Variants in VAV1 observed in about 807,000 individuals in gnomAD.
VAV1 encodes the protein vav guanine nucleotide exchange factor 1.
VAV1 carries 33 observed loss-of-function variants against 128.1 expected under a neutral mutation model. The ratio of observed to expected loss-of-function variants is 0.26; its 90% CI spans 0.20 to 0.34. The LOEUF (loss-of-function observed/expected upper bound fraction) is 0.34, where lower values mean the gene tolerates loss of function less well. Among genes scored for constraint, VAV1 ranks in the 10% least tolerant of loss-of-function variants. The pLI, the probability that VAV1 is intolerant of heterozygous loss-of-function variation, is 1.00. For missense variants in VAV1, 715 were observed against 1,093.7 expected (o/e 0.65, Z 4.88); for synonymous variants, 394 against 409.8 (o/e 0.96, Z 0.47).
chr19:6,775,276 G>A (rs1465974352), intron 1 of VAV1, among the ~76,000 whole-genome samples: 1 of 152,222 alleles, frequency 6.6e-6, no homozygotes, highest in Non-Finnish European at 1.5e-5. Flanking sequence ...ACCTGGCAGG[G>A]AGTCAAGCTC....
chr19:6,792,265 G>A (rs1361012132), intron 1 of VAV1, among the ~76,000 whole-genome samples: 6 of 152,164 alleles, frequency 3.9e-5, no homozygotes, highest in East Asian at 1.9e-4. Context: ...TGGTGGCCTC[G>A]ACTGGGAGTT....
chr19:6,776,233 CATCT>C lies in VAV1; in HGVS notation c.204+3226_204+3229del, dbSNP rs573688018. ...CTGCTCATCCATTTATCCATCCACT[CATCT>C]ATCCATCCATCCATCCATCCATCTG... On this transcript the variant is annotated intron_variant, in intron 1 of 26. Coordinates refer to ENST00000602142, the MANE Select transcript of VAV1 (RefSeq NM_005428.4). 6.2e-3 allele frequency among the ~76,000 whole-genome samples: 926 copies of C among 149,712 alleles called. 8 individuals are homozygous for C. Among genetic ancestry groups the C allele is most frequent in the African/African-American group, 0.021 (848 of 40,224 alleles).
chr19:6,785,663 T>C (rs1970874683), intron 1 of VAV1, among the ~76,000 whole-genome samples: 1 of 84,696 alleles, frequency 1.2e-5, no homozygotes, highest in Non-Finnish European at 2.5e-5. Flanking sequence ...CTTTCTTTCT[T>C]TTTTTTTTTT....
intron 1 of VAV1, among the ~76,000 whole-genome samples, chr19:6,806,417 C>T (rs149092107): frequency 6.6e-6 from 1 of 152,182 alleles, no homozygotes; most frequent in African/African-American, 2.4e-5. Flanking sequence ...AATTTTTTCT[C>T]AATGCCGTTT....
At chr19:6,841,420 A>G (rs1191142246) in intron 21 of VAV1, among the ~76,000 whole-genome samples, 1 of 151,520 alleles carries the variant, frequency 6.6e-6, no homozygotes, top group Non-Finnish European at 1.5e-5. Flanking sequence ...GCTGGGTCAT[A>G]TGGTAGTGTA....
At chr19:6,834,464 G>A (rs905429842) in intron 19 of VAV1, among the ~76,000 whole-genome samples, 6 of 151,328 alleles carry the variant, frequency 4.0e-5, no homozygotes, top group East Asian at 1.9e-4. Flanking sequence ...GGCTGGTCTC[G>A]AACTCTTGAC....
At chr19:6,815,019 G>A (rs1298207166) in intron 1 of VAV1, among the ~76,000 whole-genome samples, 1 of 151,812 alleles carries the variant, frequency 6.6e-6, no homozygotes, top group Non-Finnish European at 1.5e-5. Context: ...GTCTTCTGTT[G>A]CAGATTTCTC....
At position 6,826,575 on chromosome 19, in the gene VAV1, A is replaced by G; in HGVS notation, c.828-37A>G. On this transcript the variant is annotated intron_variant, in intron 8 of 26. Coordinates refer to ENST00000602142, the MANE Select transcript of VAV1 (RefSeq NM_005428.4). The surrounding 1 kb of genome is among the most constrained non-coding windows in gnomAD (Gnocchi z 4.1). ...CCAGCCTCTGCCCGACCTTGATGCC[A>G]GTCACCTTTACCTGGTGGCCTGTCT... is the stretch of plus-strand genomic sequence containing the variant. The G allele has an allele frequency of 6.7e-7, 1 of 1,501,224 alleles. No homozygotes were observed. Among genetic ancestry groups the G allele is most frequent in the South Asian group, 1.2e-5 (1 of 83,058 alleles). 93.0% of individuals were successfully genotyped at this position (1,501,224 alleles called of 1,614,324 possible). A position where few individuals can be genotyped will look rare whatever the true frequency, so the allele number is the denominator to read the frequency against.
chr19:6,817,994 G>A (rs1971695892), intron 1 of VAV1, among the ~76,000 whole-genome samples: 1 of 152,080 alleles, frequency 6.6e-6, no homozygotes, highest in Non-Finnish European at 1.5e-5. Flanking sequence ...CCTTAAATTT[G>A]TTTTTGTAGA....
chr19:6,843,015 T>G, intron 21 of VAV1, 120 bp from the exon 22 acceptor site: 1 of 1,095,244 alleles, frequency 9.1e-7, no homozygotes, highest in Non-Finnish European at 1.4e-6. Flanking sequence ...GCCTGGCACA[T>G]AATAGGCACT....
At chr19:6,840,193 C>A (rs1972334694) in intron 21 of VAV1, among the ~76,000 whole-genome samples, 1 of 152,172 alleles carries the variant, frequency 6.6e-6, no homozygotes, top group Non-Finnish European at 1.5e-5. Context: ...GTCCTAAGTA[C>A]CTCACCTAAG....
At position 6,787,238 on chromosome 19, in the gene VAV1, C is replaced by T. The variant is rs369424348; in HGVS notation, c.204+14227C>T. Among the ~76,000 whole-genome samples, 97 of 151,632 alleles carry T rather than the reference C, an allele frequency of 6.4e-4. 1 individual carries two copies. Among genetic ancestry groups the T allele is most frequent in the Non-Finnish European group, 1.0e-3 (68 of 67,878 alleles). On this transcript the variant is annotated intron_variant, in intron 1 of 26. Transcript: ENST00000602142. ...TCACCAAGGCTGGAGTGCAGTGGTG[C>T]GATCTTGGCTCACTGCAACCTCCAT...
At chr19:6,801,503 T>G (rs1971267402) in intron 1 of VAV1, among the ~76,000 whole-genome samples, 1 of 152,142 alleles carries the variant, frequency 6.6e-6, no homozygotes, top group African/African-American at 2.4e-5. Context: ...GTGCACACTC[T>G]GCACCCCTGC....
intron 1 of VAV1, among the ~76,000 whole-genome samples, chr19:6,785,475 G>A (rs946964752): frequency 4.0e-5 from 6 of 151,558 alleles, no homozygotes; most frequent in Non-Finnish European, 8.8e-5. Flanking sequence ...GGGATTACAG[G>A]CATGTGCCAC....
rs776054554 is a variant in VAV1, at chr19:6,822,221, C to T, written c.450C>T (p.Asp150=). Residue 150 remains aspartate (D), a splice_region_variant and synonymous_variant, in exon 5 of 27, where the codon GAC becomes GAT. Transcript: ENST00000602142. This position sits in a 1 kb window ranked among gnomAD's most constrained non-coding sequence, Gnocchi z 5.9. ...GGATCCCTGACCTCACAACCCACAG[C>T]GACACGGTGGAGGAGGATGAGGACC... The part of the protein sequence containing the change: ...DIYSGLSDQI[D]DTVEEDEDLY... 6.3e-6 allele frequency: 10 copies of T among 1,575,926 alleles called. No individual in the cohort carries two copies. The highest frequency in any genetic ancestry group is 2.3e-5 in the South Asian group (2 of 85,874).
chr19:6,805,393 C>G (rs1430346143), intron 1 of VAV1, among the ~76,000 whole-genome samples: 1 of 151,876 alleles, frequency 6.6e-6, no homozygotes, highest in Non-Finnish European at 1.5e-5. Context: ...ATACTGCACT[C>G]TAGCCTGGGC....
rs10415129 is a variant in VAV1, at chr19:6,818,560, G to A, written c.205-2142G>A. On this transcript the variant is annotated intron_variant, in intron 1 of 26. Coordinates refer to ENST00000602142, the MANE Select transcript of VAV1 (RefSeq NM_005428.4). ...TTTCTTGTGTGCTATGGGTTGAACT[G>A]TGTCCCCCCAAAATTTATACATTGA... 2.5e-3 allele frequency among the ~76,000 whole-genome samples: 382 copies of A among 152,182 alleles called. 2 individuals carry two copies. The highest frequency in any genetic ancestry group is 8.9e-3 in the African/African-American group (369 of 41,506).
chr19:6,856,962 G>T (rs551543184), intron 26 of VAV1, 92 bp from the exon 27 acceptor site: 35 of 1,125,018 alleles, frequency 3.1e-5, no homozygotes, highest in South Asian at 2.4e-4. Context: ...AGGTGCAAAG[G>T]CCCTGAGGTG....
At position 6,795,838 on chromosome 19, in the gene VAV1, C is replaced by T. The variant is rs150812060; in HGVS notation, c.204+22827C>T. Reference sequence around the variant, plus strand: ...AGCTGGGACTACAGGCGCGTGCCACCGCGCCCAGCTAATTTTTGTTATTTT... The same window carrying T: ...AGCTGGGACTACAGGCGCGTGCCACTGCGCCCAGCTAATTTTTGTTATTTT... On this transcript the variant is annotated intron_variant, in intron 1 of 26. Coordinates refer to ENST00000602142, the MANE Select transcript of VAV1 (RefSeq NM_005428.4). 4.7e-3 allele frequency among the ~76,000 whole-genome samples: 711 copies of T among 152,298 alleles called. 3 individuals are homozygous for T. Among genetic ancestry groups the T allele is most frequent in the Non-Finnish European group, 7.7e-3 (527 of 68,032 alleles).
Sources: allele counts gnomAD v4.1 joint callset (sites outside exome capture counted in the v4.1 genomes callset), GRCh38; gene constraint gnomAD v4.1.1; non-coding constraint Gnocchi (gnomAD v3.1); transcripts MANE v1.5; gene names NCBI Gene and HGNC (gene_info 2026-07-23, HGNC 2026-07-21).